The following SLIT1 variants were observed in gnomAD, a reference collection of about 807,000 sequenced individuals.
SLIT1 encodes slit homolog 1 protein.
In SLIT1, 66 loss-of-function variants were observed where a neutral mutation model predicts 186.1. The ratio of observed to expected loss-of-function variants is 0.35; its 90% confidence interval spans 0.29 to 0.44. The LOEUF is 0.44. Ranked by LOEUF, SLIT1 falls within the 20% of genes least tolerant of loss-of-function variation. The probability of loss-of-function intolerance (pLI) is 1.00; values close to 1 mark genes in which losing one functional copy is unlikely to be tolerated. For synonymous variants in SLIT1, 761 were observed against 833.8 expected, an observed-to-expected ratio of 0.91 and a Z score of 1.50; for missense variants, 1,638 against 2,037.4, an observed-to-expected ratio of 0.80 and a Z score of 3.77.
intron 4 of SLIT1, 149 bp from the exon 5 acceptor site, chr10:97,066,235 C>T (rs112446303): frequency 1.5e-4 from 96 of 654,384 alleles, no homozygotes; most frequent in African/African-American, 1.3e-3. Flanking sequence ...CAGTGCCTGG[C>T]CCACAGTGGC....
At chr10:97,136,188 T>A (rs1216091835) in intron 4 of SLIT1, among the ~76,000 whole-genome samples, 1 of 152,168 alleles carries the variant, frequency 6.6e-6, no homozygotes, top group Non-Finnish European at 1.5e-5. Context: ...TGATGCTGTG[T>A]CACCTTGTCC....
At chr10:97,069,168 C>T (rs532420387) in intron 4 of SLIT1, among the ~76,000 whole-genome samples, 1 of 152,320 alleles carries the variant, frequency 6.6e-6, no homozygotes, top group African/African-American at 2.4e-5. Context: ...CAGGGCTGTA[C>T]AGGCCACACA....
rs4917753 is a variant in SLIT1 at position 97,006,833 on chromosome 10, C to A, written c.3342-113G>T. On this transcript the variant is annotated intron_variant, in intron 31 of 36. Coordinates refer to ENST00000266058, the MANE Select transcript of SLIT1 (RefSeq NM_003061.3). The surrounding 1 kb of genome is among the most constrained non-coding windows in gnomAD (Gnocchi z 4.0). ...ATCTTGGGAAAATGGATTCTTAAAGCGACAGAAGATGCTCCTAATAAACAC... is the reference window on the plus strand; with the variant it reads ...ATCTTGGGAAAATGGATTCTTAAAGAGACAGAAGATGCTCCTAATAAACAC... 98,807 of 723,774 alleles carry A rather than the reference C, an allele frequency of 0.14. 10,076 individuals are homozygous for A. Among genetic ancestry groups the A allele is most frequent in the East Asian group, 0.46 (16,820 of 36,952 alleles). 44.8% of individuals were successfully genotyped at this position (723,774 alleles called of 1,614,324 possible).
chr10:97,009,829 A>C (rs1479181713), intron 31 of SLIT1, among the ~76,000 whole-genome samples: 2 of 152,232 alleles, frequency 1.3e-5, no homozygotes, highest in East Asian at 3.8e-4. Context: ...AACTTGAATA[A>C]AAATTTTTTC....
intron 4 of SLIT1, among the ~76,000 whole-genome samples, chr10:97,069,468 C>T (rs935376097): frequency 2.0e-5 from 3 of 152,214 alleles, no homozygotes; most frequent in Non-Finnish European, 4.4e-5. Context: ...TGGGGACCCC[C>T]AAAGACTTGC....
chr10:97,155,367 A>G (rs1460779139), intron 4 of SLIT1: 4 of 152,342 alleles, frequency 2.6e-5, no homozygotes, highest in Non-Finnish European at 5.9e-5. Flanking sequence ...CTCAGGAAGG[A>G]ACACAGGTGT....
intron 4 of SLIT1, among the ~76,000 whole-genome samples, chr10:97,141,723 T>C (rs1004128718): frequency 1.4e-4 from 18 of 126,102 alleles, no homozygotes; most frequent in South Asian, 5.0e-4. Flanking sequence ...TACTGTATTG[T>C]ATTGTACTGT....
At chr10:97,152,308 T>C (rs753498613) in intron 4 of SLIT1, among the ~76,000 whole-genome samples, 4 of 151,288 alleles carry the variant, frequency 2.6e-5, no homozygotes, top group South Asian at 2.1e-4. Flanking sequence ...ATTGAGGGGA[T>C]GGTTGTGAGT....
At chr10:97,007,969 A>G (rs1257318424) in intron 31 of SLIT1, among the ~76,000 whole-genome samples, 1 of 151,698 alleles carries the variant, frequency 6.6e-6, no homozygotes, top group Non-Finnish European at 1.5e-5. Flanking sequence ...AAAGGAAAGA[A>G]AAGGAATGAA....
intron 4 of SLIT1, among the ~76,000 whole-genome samples, chr10:97,104,061 G>GT (rs896333191): frequency 6.6e-4 from 100 of 152,206 alleles, no homozygotes; most frequent in African/African-American, 2.3e-3. Flanking sequence ...ATTCTGTGGG[G>GT]TAGCGGGTGG....
intron 11 of SLIT1, among the ~76,000 whole-genome samples, chr10:97,058,473 C>A (rs1056943101): frequency 6.6e-6 from 1 of 152,192 alleles, no homozygotes; most frequent in African/African-American, 2.4e-5. Flanking sequence ...TTTGGCAGGC[C>A]ACCTTCAGAA....
rs774886607 is a variant in SLIT1 at position 96,999,946 on chromosome 10, G to GAT, written c.*1164_*1165dup. The stretch of plus-strand genomic sequence containing the variant: ...ATCAATGTAGATAGATAGATAGATA[G>GAT]ATAGGTCTTCTAACTCCTCTGGCCT... On this transcript the variant is annotated 3_prime_UTR_variant, in exon 37 of 37. Transcript: ENST00000266058. 5.9e-5 allele frequency: 9 copies of GAT among 152,236 alleles called. No homozygotes were observed. The highest frequency in any genetic ancestry group is 1.3e-4 in the Non-Finnish European group (9 of 68,078). The allele number at this position is 152,236 out of a possible 1,614,324, so 9.4% of individuals were successfully genotyped here.
At position 97,039,665 on chromosome 10, in the gene SLIT1, G is replaced by A. The variant is rs533882755; in HGVS notation, c.2297+323C>T. On this transcript the variant is annotated intron_variant, in intron 21 of 36. Coordinates refer to ENST00000266058, the MANE Select transcript of SLIT1 (RefSeq NM_003061.3). ...CTGCTGGTGCAAAAATCACATTTGTGTCTTCATGACACAGGAGCCTGAGAC... is the reference window on the plus strand; with the variant it reads ...CTGCTGGTGCAAAAATCACATTTGTATCTTCATGACACAGGAGCCTGAGAC... Among the ~76,000 whole-genome samples the A allele has an allele frequency of 7.9e-5, 12 of 152,352 alleles. No individual in the cohort carries two copies. The East Asian group carries it at 1.3e-3, about 17-fold the overall frequency.
chr10:97,069,907 C>A (rs1188282213), intron 4 of SLIT1, among the ~76,000 whole-genome samples: 3 of 152,192 alleles, frequency 2.0e-5, no homozygotes. Flanking sequence ...TAATGGATAA[C>A]CTCCGAGACT....
chr10:97,057,914 C>A (rs2134634745), intron 11 of SLIT1: 2 of 703,950 alleles, frequency 2.8e-6, no homozygotes, highest in Non-Finnish European at 5.3e-6. Flanking sequence ...GGTTGTATGC[C>A]ATTCCCAATA....
At chr10:97,170,277 T>A (rs1387901894) in intron 1 of SLIT1, among the ~76,000 whole-genome samples, 1 of 152,224 alleles carries the variant, frequency 6.6e-6, no homozygotes, top group East Asian at 1.9e-4. Context: ...TCTCCATTTA[T>A]AAAATGAGGA....
At chr10:97,138,001 C>T (rs1266162097) in intron 4 of SLIT1, among the ~76,000 whole-genome samples, 1 of 152,214 alleles carries the variant, frequency 6.6e-6, no homozygotes, top group Non-Finnish European at 1.5e-5. Context: ...AGAGTCTAAA[C>T]TCAACTTCCC....
intron 4 of SLIT1, among the ~76,000 whole-genome samples, chr10:97,079,270 G>C (rs1849079725): frequency 1.3e-5 from 2 of 152,164 alleles, no homozygotes; most frequent in South Asian, 4.2e-4. Context: ...TAGTCGGGAT[G>C]GGGGGTGCAG....
At chr10:97,058,012 G>A (rs1227844449) in intron 11 of SLIT1, 2 of 717,444 alleles carry the variant, frequency 2.8e-6, no homozygotes, top group South Asian at 3.0e-5. Context: ...TGGCTTCAAG[G>A]TCATTCCTGG....
Sources: allele counts gnomAD v4.1 joint callset (sites outside exome capture counted in the v4.1 genomes callset), GRCh38; gene constraint gnomAD v4.1.1; non-coding constraint Gnocchi (gnomAD v3.1); transcripts MANE v1.5; gene names NCBI Gene and HGNC (gene_info 2026-07-23, HGNC 2026-07-21).